FAM168A: variants seen among roughly 807,000 people sequenced by gnomAD.
FAM168A encodes family with sequence similarity 168 member A.
Under a neutral mutation model 28.5 loss-of-function variants are expected in FAM168A, and 3 were observed. That is an observed-to-expected ratio of 0.11 (90% CI 0.05 to 0.27). The LOEUF (loss-of-function observed/expected upper bound fraction) is 0.27. FAM168A is among the 10% of genes least tolerant of loss of function. The probability of loss-of-function intolerance (pLI) is 1.00; values close to 1 mark genes in which losing one functional copy is unlikely to be tolerated. For missense variants in FAM168A, 222 were observed against 311.5 expected (o/e 0.71, Z 2.16); for synonymous variants, 122 against 124.2 (o/e 0.98, Z 0.12).
chr11:73,496,313 G>C (rs1854870758), intron 1 of FAM168A, among the ~76,000 whole-genome samples: 2 of 152,226 alleles, frequency 1.3e-5, no homozygotes, highest in Non-Finnish European at 2.9e-5. Flanking sequence ...CAAGGTGGAA[G>C]GTGAAAAGGG....
chr11:73,518,462 C>T (rs1403749605), intron 1 of FAM168A, among the ~76,000 whole-genome samples: 2 of 151,446 alleles, frequency 1.3e-5, no homozygotes, highest in Admixed American at 6.6e-5. Context: ...ATCTGATCCC[C>T]AGTGTTGGAG....
At chr11:73,497,927 T>C (rs1854925474) in intron 1 of FAM168A, among the ~76,000 whole-genome samples, 1 of 151,928 alleles carries the variant, frequency 6.6e-6, no homozygotes, top group Admixed American at 6.6e-5. Context: ...TCAAAACAAC[T>C]CCATTTAATT....
chr11:73,455,320 G>A (rs555129492), intron 2 of FAM168A, among the ~76,000 whole-genome samples: 62 of 152,326 alleles, frequency 4.1e-4, no homozygotes, highest in African/African-American at 1.5e-3. Flanking sequence ...GCACTGGTTC[G>A]CTCACACGCT....
intron 1 of FAM168A, among the ~76,000 whole-genome samples, chr11:73,480,872 A>G (rs1444715254): frequency 3.9e-5 from 6 of 152,226 alleles, no homozygotes; most frequent in Non-Finnish European, 1.5e-5. Context: ...TGTATTATCT[A>G]AAACGGATGT....
chr11:73,504,928 C>G (rs1050388442), intron 1 of FAM168A, among the ~76,000 whole-genome samples: 7 of 152,146 alleles, frequency 4.6e-5, no homozygotes, highest in Non-Finnish European at 4.4e-5. Flanking sequence ...ACTGCATGTT[C>G]TCACTCATAA....
rs1188669424 is a variant in FAM168A at position 73,409,679 on chromosome 11, A to T, written c.421-18T>A. ...TAGGCTCCCTGGGGGAAAGAGGCTG[A>T]GGTCACATAGGCATTTGGAGAGGTA... On this transcript the variant is annotated intron_variant, in intron 5 of 7. Coordinates refer to ENST00000356467, the MANE Select transcript of FAM168A (RefSeq NM_015159.3). 10 of 1,588,546 alleles carry T rather than the reference A, an allele frequency of 6.3e-6. No individual in the cohort carries two copies. The highest frequency in any genetic ancestry group is 8.6e-6 in the Non-Finnish European group (10 of 1,164,520).
intron 1 of FAM168A, among the ~76,000 whole-genome samples, chr11:73,544,392 T>C (rs1408491684): frequency 6.6e-6 from 1 of 152,000 alleles, no homozygotes; most frequent in Non-Finnish European, 1.5e-5. Context: ...GGGTTAAACA[T>C]AGAGTTACCA....
intron 1 of FAM168A, among the ~76,000 whole-genome samples, chr11:73,587,216 C>G (rs913212167): frequency 6.8e-6 from 1 of 147,346 alleles, no homozygotes; most frequent in Admixed American, 6.8e-5. Context: ...TCTTGCCAGA[C>G]GCAATGGCTC....
intron 3 of FAM168A, among the ~76,000 whole-genome samples, chr11:73,423,601 A>G (rs992398089): frequency 2.0e-5 from 3 of 152,052 alleles, no homozygotes; most frequent in Non-Finnish European, 4.4e-5. Context: ...TATCTCCCCA[A>G]ACTCCATCTG....
At chr11:73,452,820 T>A (rs5004963) in intron 2 of FAM168A, among the ~76,000 whole-genome samples, 25,586 of 146,188 alleles carry the variant, frequency 0.18, 3,331 homozygotes, top group African/African-American at 0.38. Context: ...AAAATAATAA[T>A]AATAAGTAAA....
chr11:73,595,482 T>C (rs1944432288), intron 1 of FAM168A, among the ~76,000 whole-genome samples: 1 of 152,184 alleles, frequency 6.6e-6, no homozygotes, highest in African/African-American at 2.4e-5. Context: ...ATGGTGCCAA[T>C]TTTATCTTCT....
rs761937954 is a variant in FAM168A at position 73,409,551 on chromosome 11, G to A, written c.531C>T (p.Ala177=). 4.4e-5 allele frequency: 71 copies of A among 1,613,842 alleles called. No homozygotes were observed. In the Middle Eastern group the frequency reaches 8.2e-4, roughly 19 times the overall value. ...IPSAIYPAPV[A]APRTNGVAMG... Reference sequence around the variant, plus strand: ...TGGCCACACCGTTGGTCCTCGGGGCGGCAACAGGTGCTGGGTAGATAGCAG... The same window carrying A: ...TGGCCACACCGTTGGTCCTCGGGGCAGCAACAGGTGCTGGGTAGATAGCAG... Residue 177 remains alanine, a synonymous_variant, in exon 6 of 8, where the codon GCC becomes GCT. Transcript: ENST00000356467.
At chr11:73,511,563 T>TTTTTTTTTTTTTTTTTTTTTTTTTGAG (rs1855227566) in intron 1 of FAM168A, among the ~76,000 whole-genome samples, 1 of 152,148 alleles carries the variant, frequency 6.6e-6, no homozygotes, top group African/African-American at 2.4e-5. Flanking sequence ...TAATGAATCT[T>TTTTTTTTTTTTTTTTTTTTTTTTTGAG]AAGCTGTTTT....
At chr11:73,440,892 A>T (rs188903534) in intron 2 of FAM168A, among the ~76,000 whole-genome samples, 1 of 152,216 alleles carries the variant, frequency 6.6e-6, no homozygotes, top group East Asian at 1.9e-4. Flanking sequence ...TAAAAAACTC[A>T]TATCAATCAA....
intron 2 of FAM168A, among the ~76,000 whole-genome samples, chr11:73,445,015 T>A (rs976845521): frequency 6.6e-6 from 1 of 152,158 alleles, no homozygotes; most frequent in Non-Finnish European, 1.5e-5. Context: ...ATCCCAACAT[T>A]TTGGGAGGCC....
At chr11:73,419,529 G>C (rs1866755837) in intron 4 of FAM168A, among the ~76,000 whole-genome samples, 1 of 152,090 alleles carries the variant, frequency 6.6e-6, no homozygotes, top group African/African-American at 2.4e-5. Context: ...CCCTGTGCTA[G>C]AGGGGGGAGC....
intron 1 of FAM168A, among the ~76,000 whole-genome samples, chr11:73,545,683 CTTTTTTTTTT>C (rs966309670): frequency 9.5e-6 from 1 of 105,174 alleles, no homozygotes; most frequent in Admixed American, 1.1e-4. Flanking sequence ...ATACTATATA[CTTTTTTTTTT>C]TTTTTTTTTT....
intron 1 of FAM168A, among the ~76,000 whole-genome samples, chr11:73,567,721 C>CT (rs1214841629): frequency 6.6e-6 from 1 of 151,224 alleles, no homozygotes; most frequent in African/African-American, 2.4e-5. Flanking sequence ...ATATAGCTCA[C>CT]TTTTTTTTTA....
intron 1 of FAM168A, among the ~76,000 whole-genome samples, chr11:73,488,678 C>A (rs1217167714): frequency 6.6e-6 from 1 of 152,168 alleles, no homozygotes; most frequent in Non-Finnish European, 1.5e-5. Context: ...CACGTTCCAA[C>A]CTTCCAGTGG....
Sources: gnomAD v4.1 joint callset for allele counts (sites outside exome capture counted in the v4.1 genomes callset) on GRCh38, gnomAD v4.1.1 for gene constraint, MANE v1.5 for transcripts, NCBI Gene and HGNC (gene_info 2026-07-23, HGNC 2026-07-21) for gene names.